The following ATF6 variants were observed in gnomAD, a reference collection of about 807,000 sequenced individuals.
ATF6 encodes the protein cyclic AMP-dependent transcription factor ATF-6 alpha.
ATF6 carries 53 observed loss-of-function variants against 83.6 expected under a neutral mutation model. That is an observed-to-expected ratio of 0.63 (90% CI 0.51 to 0.80). The LOEUF (loss-of-function observed/expected upper bound fraction) is 0.80. ATF6 is among the 30% of genes least tolerant of loss of function. The pLI is 0.00. For synonymous variants in ATF6, 288 were observed against 285.8 expected (o/e 1.01, Z -0.08); for missense variants, 744 against 797.9 (o/e 0.93, Z 0.81).
intron 7 of ATF6, among the ~76,000 whole-genome samples, chr1:161,812,560 T>C (rs927772948): frequency 6.6e-6 from 1 of 151,286 alleles, no homozygotes; most frequent in Non-Finnish European, 1.5e-5. Flanking sequence ...GCCCGGCTAA[T>C]TTTTGTATTT....
chr1:161,797,989 A>C (rs1299416166), intron 6 of ATF6, among the ~76,000 whole-genome samples: 1 of 152,242 alleles, frequency 6.6e-6, no homozygotes, highest in African/African-American at 2.4e-5. Flanking sequence ...CCGATGGATT[A>C]GATTAGAGAA....
chr1:161,864,961 G>T (rs1166771128), intron 14 of ATF6, among the ~76,000 whole-genome samples: 2 of 152,182 alleles, frequency 1.3e-5, no homozygotes, highest in African/African-American at 4.8e-5. Context: ...TATATTTTAT[G>T]GAAGTTACTG....
intron 1 of ATF6, among the ~76,000 whole-genome samples, chr1:161,769,974 A>G (rs961490308): frequency 3.3e-5 from 5 of 152,042 alleles, no homozygotes; most frequent in East Asian, 1.9e-4. Flanking sequence ...CCACTGTTCT[A>G]TGGGTTTTGA....
intron 1 of ATF6, among the ~76,000 whole-genome samples, chr1:161,769,650 G>A (rs181651234): frequency 1.3e-5 from 2 of 152,162 alleles, no homozygotes; most frequent in African/African-American, 4.8e-5. Flanking sequence ...ACATAATACA[G>A]AATTAGTGGG....
chr1:161,791,344 C>T, intron 4 of ATF6, 64 bp from the exon 5 acceptor site: 1 of 1,455,486 alleles, frequency 6.9e-7, no homozygotes, highest in South Asian at 1.4e-5. Context: ...GGGTCTCCTC[C>T]TTTTCTATGC....
At chr1:161,788,297 T>C (rs748264321) in intron 4 of ATF6, among the ~76,000 whole-genome samples, 4 of 152,234 alleles carry the variant, frequency 2.6e-5, no homozygotes, top group Non-Finnish European at 5.9e-5. Flanking sequence ...TTACTTTGTA[T>C]TTCTTTGGTT....
In ATF6 at chr1:161,928,033, T is replaced by C. The variant is rs113950078; in HGVS notation, c.1804+15653T>C. Among the ~76,000 whole-genome samples, 433 of 152,334 alleles carry C rather than the reference T, an allele frequency of 2.8e-3. 4 individuals are homozygous for C. The highest frequency in any genetic ancestry group is 9.7e-3 in the African/African-American group (405 of 41,562). On this transcript the variant is annotated intron_variant, in intron 15 of 15. Coordinates refer to ENST00000367942, the MANE Select transcript of ATF6 (RefSeq NM_007348.4). ...GCTCCCCTTTTTTGAGTACCCACCA[T>C]TTATGTTAAGTATATTACTGGGTTC... is the stretch of plus-strand genomic sequence containing the variant.
rs148600740 is a variant in ATF6, at chr1:161,846,558, A to G, written c.1297A>G (p.Ile433Val). ...AKEAQDTSDG[I>V]IQKNSYRYDH... ...AGAGGCACAGGACACATCAGATGGT[A>G]TTATCCAGAAAAACAGCTACAGGTA... Residue 433 changes from isoleucine to valine, a missense_variant, in exon 10 of 16, where the codon ATT (isoleucine) becomes GTT (valine). Ile to Val is a conservative substitution (Grantham distance 29). Coordinates refer to ENST00000367942, the MANE Select transcript of ATF6 (RefSeq NM_007348.4). 1 of 1,605,376 alleles carries G rather than the reference A, an allele frequency of 6.2e-7. No homozygotes were observed. Among genetic ancestry groups the G allele is most frequent in the African/African-American group, 1.3e-5 (1 of 74,584 alleles).
In ATF6 at chr1:161,830,160, A is replaced by C. The variant is rs537291767; in HGVS notation, c.1187+8999A>C. On this transcript the variant is annotated intron_variant, in intron 9 of 15. Transcript: ENST00000367942. ...GCATTCTTATACACCAATAGCAGAC[A>C]AACAGAGAGCCAAATCATGAGTGAA... Among the ~76,000 whole-genome samples, 77 of 151,760 alleles carry C rather than the reference A, an allele frequency of 5.1e-4. 1 individual carries two copies. The East Asian group carries it at 0.012, about 23-fold the overall frequency.
At chr1:161,953,225 A>G (rs937348958) in intron 15 of ATF6, among the ~76,000 whole-genome samples, 1 of 152,158 alleles carries the variant, frequency 6.6e-6, no homozygotes, top group Non-Finnish European at 1.5e-5. Context: ...TTTAGTAATA[A>G]TCAAGTTTCT....
chr1:161,826,869 A>C (rs1355846691), intron 9 of ATF6, among the ~76,000 whole-genome samples: 1 of 152,156 alleles, frequency 6.6e-6, no homozygotes, highest in Non-Finnish European at 1.5e-5. Flanking sequence ...CCCTGAATCA[A>C]ATGTTGGGAA....
At chr1:161,873,003 A>G (rs1464998500) in intron 14 of ATF6, among the ~76,000 whole-genome samples, 1 of 151,570 alleles carries the variant, frequency 6.6e-6, no homozygotes, top group South Asian at 2.1e-4. Context: ...CAGATGTTCT[A>G]AAGGAAAATA....
chr1:161,791,198 T>A (rs1684872221), intron 4 of ATF6, among the ~76,000 whole-genome samples: 1 of 152,004 alleles, frequency 6.6e-6, no homozygotes, highest in Admixed American at 6.6e-5. Flanking sequence ...GGCATAGACT[T>A]ACTCTGCATT....
At chr1:161,957,320 A>G (rs1688988444) in intron 15 of ATF6, among the ~76,000 whole-genome samples, 1 of 152,214 alleles carries the variant, frequency 6.6e-6, no homozygotes. Context: ...TGTTGCCGGC[A>G]GTTCTTCCCC....
chr1:161,826,733 A>C (rs1685909571), intron 9 of ATF6, among the ~76,000 whole-genome samples: 1 of 152,188 alleles, frequency 6.6e-6, no homozygotes, highest in Non-Finnish European at 1.5e-5. Flanking sequence ...CCAACAAGGA[A>C]ATATGGAGGA....
At chr1:161,838,583 G>A (rs1686278794) in intron 9 of ATF6, among the ~76,000 whole-genome samples, 1 of 152,114 alleles carries the variant, frequency 6.6e-6, no homozygotes. Context: ...CAGGGTTCTT[G>A]GTTTTTCTTC....
In ATF6 at chr1:161,961,568, TTAA is replaced by T. The variant is rs1689098707; in HGVS notation, c.*2916_*2918del. 1 of 144,618 alleles carries T rather than the reference TTAA, an allele frequency of 6.9e-6. No homozygotes were observed. 9.0% of individuals were successfully genotyped at this position (144,618 alleles called of 1,614,324 possible). On this transcript the variant is annotated 3_prime_UTR_variant, in exon 16 of 16. Coordinates refer to ENST00000367942, the MANE Select transcript of ATF6 (RefSeq NM_007348.4). ...GGAAATGAGAAGTTGCCATGCCAGA[TTAA>T]TTTTTTTTTTTTTTTTTGGTGGGAT...
chr1:161,777,039 G>T (rs994029854), intron 1 of ATF6, among the ~76,000 whole-genome samples: 4 of 152,190 alleles, frequency 2.6e-5, no homozygotes, highest in Non-Finnish European at 5.9e-5. Flanking sequence ...TAAAATGAAA[G>T]GATCAACTAT....
chr1:161,842,757 A>C (rs964400118), intron 9 of ATF6, among the ~76,000 whole-genome samples: 3 of 152,186 alleles, frequency 2.0e-5, no homozygotes, highest in African/African-American at 7.2e-5. Flanking sequence ...GGAAATAAAA[A>C]ATTTTAAAAA....
Sources: allele counts gnomAD v4.1 joint callset (sites outside exome capture counted in the v4.1 genomes callset), GRCh38; gene constraint gnomAD v4.1.1; transcripts MANE v1.5; gene names NCBI Gene and HGNC (gene_info 2026-07-23, HGNC 2026-07-21).